Variants in TBC1D5 observed in about 807,000 individuals in gnomAD.
The protein encoded by TBC1D5 is TBC1 domain family member 5.
A neutral mutation model predicts 100.3 loss-of-function variants in TBC1D5; 75 were observed. That is an observed-to-expected ratio of 0.75 (90% CI 0.62 to 0.91). The LOEUF (loss-of-function observed/expected upper bound fraction) is 0.91, where lower values mean the gene tolerates loss of function less well. TBC1D5 is among the 40% of genes least tolerant of loss of function. The pLI is 0.00. For missense variants in TBC1D5, 910 were observed against 942.4 expected, an observed-to-expected ratio of 0.97 and a Z score of 0.45; for synonymous variants, 323 against 325.6, an observed-to-expected ratio of 0.99 and a Z score of 0.09.
rs1260120931 is a variant in TBC1D5 at position 17,261,111 on chromosome 3, T to C, written c.1246-2520A>G. Reference sequence around the variant, plus strand: ...ATCTAGACATGAACAATAAAAAGGATACCAATATTTTTATACATTAAGATT... The same window carrying C: ...ATCTAGACATGAACAATAAAAAGGACACCAATATTTTTATACATTAAGATT... On this transcript the variant is annotated intron_variant, in intron 15 of 21. Coordinates refer to ENST00000253692, the Ensembl canonical transcript of TBC1D5. 4.6e-5 allele frequency among the ~76,000 whole-genome samples: 7 copies of C among 152,332 alleles called. No individual in the cohort carries two copies. The East Asian group carries it at 7.7e-4, about 17-fold the overall frequency.
At chr3:17,583,771 T>C (rs1416206026) in intron 2 of TBC1D5, among the ~76,000 whole-genome samples, 4 of 152,118 alleles carry the variant, frequency 2.6e-5, no homozygotes, top group African/African-American at 7.2e-5. Context: ...TGTAAAATGA[T>C]GCAACTGCCA....
chr3:17,741,242 C>T (rs1377380779), upstream of TBC1D5, among the ~76,000 whole-genome samples: 1 of 152,214 alleles, frequency 6.6e-6, no homozygotes, highest in Non-Finnish European at 1.5e-5. Flanking sequence ...AAGTGATTCC[C>T]ACCCACATTA....
rs190961960 is a variant in TBC1D5 at position 17,506,069 on chromosome 3, A to G, written c.97+2405T>C. Among the ~76,000 whole-genome samples the G allele has an allele frequency of 3.9e-4, 60 of 152,360 alleles. 1 individual carries two copies. The highest frequency in any genetic ancestry group is 3.9e-3 in the Admixed American group (59 of 15,310). ...TAAAGTGCAGTGTTTAAATACTTAG[A>G]AAATGAGTCATCCAGTAGTAACAAA... On this transcript the variant is annotated intron_variant, in intron 3 of 21. Coordinates refer to ENST00000253692, the Ensembl canonical transcript of TBC1D5.
chr3:17,233,773 A>AT, intron 17 of TBC1D5, 23 bp from the exon 18 acceptor site: 2 of 1,466,838 alleles, frequency 1.4e-6, no homozygotes, highest in Non-Finnish European at 1.9e-6. Flanking sequence ...AGAAAAAATA[A>AT]TTAGATTTCA....
chr3:17,716,040 G>T (rs926069456), intron 1 of TBC1D5, among the ~76,000 whole-genome samples: 1 of 151,964 alleles, frequency 6.6e-6, no homozygotes, highest in African/African-American at 2.4e-5. Flanking sequence ...CGAAAAGAGT[G>T]AAATTCCATC....
intron 18 of TBC1D5, among the ~76,000 whole-genome samples, chr3:17,198,871 T>A (rs968851193): frequency 1.3e-5 from 2 of 152,258 alleles, no homozygotes; most frequent in African/African-American, 2.4e-5. Context: ...CTGACTCAGT[T>A]CTTCTGTGAC....
At chr3:17,237,807 G>A (rs1313345080) in intron 17 of TBC1D5, among the ~76,000 whole-genome samples, 2 of 152,090 alleles carry the variant, frequency 1.3e-5, no homozygotes, top group Non-Finnish European at 2.9e-5. Flanking sequence ...CCATGGTACC[G>A]GAACTTCTCA....
chr3:17,285,248 C>CTTTTTT (rs373843978), intron 15 of TBC1D5, among the ~76,000 whole-genome samples: 8 of 104,700 alleles, frequency 7.6e-5, no homozygotes, highest in East Asian at 6.0e-4. Flanking sequence ...ATTTTAGATT[C>CTTTTTT]TTTTTTTTTT....
intron 3 of TBC1D5, among the ~76,000 whole-genome samples, chr3:17,455,476 ATATGTATATATATGTG>A (rs1384908502): frequency 4.2e-5 from 6 of 143,984 alleles, no homozygotes; most frequent in African/African-American, 1.3e-4. Context: ...ATGTGTATAT[ATATGTATATATATGTG>A]TATATATATA....
intron 1 of TBC1D5, among the ~76,000 whole-genome samples, chr3:17,697,199 C>G (rs547608270): frequency 1.7e-4 from 26 of 152,264 alleles, no homozygotes; most frequent in South Asian, 4.1e-4. Flanking sequence ...CGGCACAAGA[C>G]AAGGATGCCC....
intron 16 of TBC1D5, among the ~76,000 whole-genome samples, chr3:17,251,146 C>T (rs1359057658): frequency 1.3e-5 from 2 of 152,106 alleles, no homozygotes; most frequent in Non-Finnish European, 2.9e-5. Context: ...CTATATGGAG[C>T]CCTGATAACC....
chr3:17,190,444 AG>A (rs367590062), intron 18 of TBC1D5, among the ~76,000 whole-genome samples: 157 of 152,288 alleles, frequency 1.0e-3, no homozygotes, highest in African/African-American at 3.5e-3. Flanking sequence ...CAAAATAATA[AG>A]GAAAGATGTT....
At chr3:17,471,914 G>A (rs1309381151) in intron 3 of TBC1D5, among the ~76,000 whole-genome samples, 1 of 152,078 alleles carries the variant, frequency 6.6e-6, no homozygotes, top group Non-Finnish European at 1.5e-5. Flanking sequence ...TGCTGTGGGA[G>A]GCGGTCAGAA....
chr3:17,452,158 C>A (rs2094943293), intron 3 of TBC1D5, among the ~76,000 whole-genome samples: 1 of 151,442 alleles, frequency 6.6e-6, no homozygotes, highest in Non-Finnish European at 1.5e-5. Flanking sequence ...GAAAAACATA[C>A]AATGGATACA....
At chr3:17,598,940 T>A (rs901345099) in intron 2 of TBC1D5, among the ~76,000 whole-genome samples, 1 of 152,180 alleles carries the variant, frequency 6.6e-6, no homozygotes, top group Admixed American at 6.5e-5. Context: ...TATCAGGAAC[T>A]TAGTGAGAAA....
At chr3:17,699,606 C>T (rs868549672) in intron 1 of TBC1D5, among the ~76,000 whole-genome samples, 1 of 144,908 alleles carries the variant, frequency 6.9e-6, no homozygotes, top group Non-Finnish European at 1.5e-5. Flanking sequence ...TGAGTCTCAT[C>T]ATCTGATACA....
chr3:17,706,316 G>A, intron 1 of TBC1D5: 5 of 1,466,100 alleles, frequency 3.4e-6, no homozygotes, highest in Non-Finnish European at 4.6e-6. Context: ...GTTCAAACCA[G>A]AACTGTATAC....
At chr3:17,582,875 C>A (rs758512038) in intron 2 of TBC1D5, among the ~76,000 whole-genome samples, 50 of 151,518 alleles carry the variant, frequency 3.3e-4, no homozygotes, top group Admixed American at 1.5e-3. Context: ...AAGTAAGAAA[C>A]CTTTTATTCT....
At chr3:17,550,979 AT>A (rs549703510) in intron 2 of TBC1D5, among the ~76,000 whole-genome samples, 362 of 152,330 alleles carry the variant, frequency 2.4e-3, no homozygotes, top group Non-Finnish European at 4.3e-3. Flanking sequence ...TTTGAAAAAA[AT>A]ATTACAAAAC....
Sources: allele counts gnomAD v4.1 joint callset (sites outside exome capture counted in the v4.1 genomes callset), GRCh38; gene constraint gnomAD v4.1.1; transcripts MANE v1.5; gene names NCBI Gene and HGNC (gene_info 2026-07-23, HGNC 2026-07-21).